The following TTC28 variants were observed in gnomAD, a reference collection of about 807,000 sequenced individuals.
The protein encoded by TTC28 is tetratricopeptide repeat domain 28.
TTC28 carries 61 observed loss-of-function variants against 198.0 expected under a neutral mutation model. That is an observed-to-expected ratio of 0.31 (90% CI 0.25 to 0.38). The LOEUF (loss-of-function observed/expected upper bound fraction) is 0.38. Ranked by LOEUF, TTC28 falls within the 10% of genes least tolerant of loss-of-function variation. The pLI is 1.00. For synonymous variants in TTC28, 1,171 were observed against 1,297.8 expected, an observed-to-expected ratio of 0.90 and a Z score of 2.10; for missense variants, 2,678 against 3,164.0, an observed-to-expected ratio of 0.85 and a Z score of 3.69.
intron 5 of TTC28, among the ~76,000 whole-genome samples, chr22:28,248,189 T>C (rs1453165710): frequency 6.6e-6 from 1 of 152,208 alleles, no homozygotes; most frequent in African/African-American, 2.4e-5. Context: ...GGAAACAGCA[T>C]GTGTTCTTGT....
intron 2 of TTC28, among the ~76,000 whole-genome samples, chr22:28,592,210 G>A (rs1391481199): frequency 6.6e-6 from 1 of 152,168 alleles, no homozygotes; most frequent in Non-Finnish European, 1.5e-5. Flanking sequence ...GATTTGCTAG[G>A]TGTGGTGGTG....
intron 2 of TTC28, among the ~76,000 whole-genome samples, chr22:28,543,545 AGGAG>A (rs896650474): frequency 5.3e-5 from 8 of 151,286 alleles, no homozygotes; most frequent in East Asian, 2.0e-4. Context: ...GAGAGAGAGA[AGGAG>A]GGAGGGAGGG....
intron 2 of TTC28, among the ~76,000 whole-genome samples, chr22:28,397,302 A>G (rs1371582736): frequency 6.6e-6 from 1 of 152,226 alleles, no homozygotes; most frequent in East Asian, 1.9e-4. Context: ...GATCCTCACA[A>G]GAGTCCCGAT....
chr22:28,580,845 T>C (rs1453856040), intron 2 of TTC28, among the ~76,000 whole-genome samples: 1 of 152,160 alleles, frequency 6.6e-6, no homozygotes, highest in African/African-American at 2.4e-5. Context: ...GCAAAGGCTG[T>C]CTCAGAAAGT....
rs184851457 is a variant in TTC28, at chr22:28,219,464, C to T, written c.934-55865G>A. ...CAGGGGTTGCAGTGAGCCAAGATCG[C>T]ACCATTGCACTCTGGCCTGGGTGAC... On this transcript the variant is annotated intron_variant, in intron 5 of 22. Transcript: ENST00000397906. Among the ~76,000 whole-genome samples the T allele has an allele frequency of 9.0e-4, 136 of 150,894 alleles. 1 individual carries two copies. The highest frequency in any genetic ancestry group is 1.5e-3 in the Non-Finnish European group (104 of 67,872).
intron 6 of TTC28, among the ~76,000 whole-genome samples, chr22:28,112,804 C>T (rs575496666): frequency 6.6e-6 from 1 of 152,062 alleles, no homozygotes; most frequent in Non-Finnish European, 1.5e-5. Flanking sequence ...CAGGGGCGTG[C>T]TAGGTGACAA....
chr22:28,510,687 A>G (rs1024405321), intron 2 of TTC28, among the ~76,000 whole-genome samples: 1 of 152,166 alleles, frequency 6.6e-6, no homozygotes, highest in Non-Finnish European at 1.5e-5. Flanking sequence ...AATAAAGCAT[A>G]TTCAAATAGG....
At chr22:28,239,660 CT>C (rs1929518900) in intron 5 of TTC28, among the ~76,000 whole-genome samples, 1 of 152,090 alleles carries the variant, frequency 6.6e-6, no homozygotes. Flanking sequence ...GGTTATTGCT[CT>C]CATGTAGGTT....
chr22:27,994,230 G>C (rs1228959120), intron 17 of TTC28, among the ~76,000 whole-genome samples: 1 of 152,270 alleles, frequency 6.6e-6, no homozygotes, highest in South Asian at 2.1e-4. Context: ...GATCACTTGA[G>C]TCCAGGAGTT....
At chr22:28,389,215 T>G (rs577047635) in intron 2 of TTC28, among the ~76,000 whole-genome samples, 3 of 152,322 alleles carry the variant, frequency 2.0e-5, no homozygotes, top group South Asian at 2.1e-4. Context: ...GTGGATAAGC[T>G]TTTTGATGTG....
chr22:28,388,383 A>C (rs1273158768), intron 2 of TTC28, among the ~76,000 whole-genome samples: 1 of 152,222 alleles, frequency 6.6e-6, no homozygotes, highest in Non-Finnish European at 1.5e-5. Context: ...TCTGTGAAGA[A>C]AGTCATTGGT....
intron 2 of TTC28, among the ~76,000 whole-genome samples, chr22:28,553,598 C>T (rs1178711450): frequency 6.6e-6 from 1 of 152,090 alleles, no homozygotes; most frequent in East Asian, 1.9e-4. Flanking sequence ...GGCAGCCACC[C>T]CGTCTGGGAA....
chr22:28,197,160 C>G (rs1925437647), intron 5 of TTC28, among the ~76,000 whole-genome samples: 1 of 151,160 alleles, frequency 6.6e-6, no homozygotes, highest in African/African-American at 2.4e-5. Context: ...TCTCAGCAAA[C>G]TATCGCAAGG....
At chr22:28,331,273 C>T (rs1398485410) in intron 2 of TTC28, among the ~76,000 whole-genome samples, 1 of 152,124 alleles carries the variant, frequency 6.6e-6, no homozygotes, top group Non-Finnish European at 1.5e-5. Flanking sequence ...CTGTCTGCCT[C>T]TGAAGCCAGG....
chr22:28,528,675 A>C (rs1355734449), intron 2 of TTC28, among the ~76,000 whole-genome samples: 1 of 150,882 alleles, frequency 6.6e-6, no homozygotes, highest in Non-Finnish European at 1.5e-5. Context: ...AGCGGAGGTT[A>C]CAGTGAACTG....
chr22:28,158,150 G>A (rs8135375), intron 6 of TTC28, among the ~76,000 whole-genome samples: 1 of 151,812 alleles, frequency 6.6e-6, no homozygotes, highest in African/African-American at 2.4e-5. Context: ...AATAAGAAAG[G>A]AATCTCATTT....
intron 2 of TTC28, among the ~76,000 whole-genome samples, chr22:28,376,670 A>G (rs2046414537): frequency 6.6e-6 from 1 of 152,144 alleles, no homozygotes; most frequent in South Asian, 2.1e-4. Flanking sequence ...CAGCTCTGGG[A>G]AGGGGAAGCA....
chr22:28,267,577 A>C (rs982212411), intron 5 of TTC28, among the ~76,000 whole-genome samples: 1 of 152,228 alleles, frequency 6.6e-6, no homozygotes, highest in African/African-American at 2.4e-5. Flanking sequence ...AAAATGTAAC[A>C]AAAAGTAAAT....
At chr22:28,118,954 A>G (rs1247345845) in intron 6 of TTC28, among the ~76,000 whole-genome samples, 3 of 152,186 alleles carry the variant, frequency 2.0e-5, no homozygotes, top group African/African-American at 7.2e-5. Flanking sequence ...AAAAAATTTT[A>G]TATCTGTTGC....
Sources: allele counts gnomAD v4.1 joint callset (sites outside exome capture counted in the v4.1 genomes callset), GRCh38; gene constraint gnomAD v4.1.1; transcripts MANE v1.5; gene names NCBI Gene and HGNC (gene_info 2026-07-23, HGNC 2026-07-21).